KHDRBS2: variants seen among roughly 807,000 people sequenced by gnomAD.
KHDRBS2 encodes KH domain-containing, RNA-binding, signal transduction-associated protein 2.
A neutral mutation model predicts 44.3 loss-of-function variants in KHDRBS2; 26 were observed. The observed-to-expected ratio is 0.59, with a 90% CI of 0.43 to 0.81. The LOEUF (loss-of-function observed/expected upper bound fraction) is 0.81, where lower values mean the gene tolerates loss of function less well. Among genes scored for constraint, KHDRBS2 ranks in the 40% least tolerant of loss-of-function variants. KHDRBS2 has a pLI of 0.00. For synonymous variants in KHDRBS2, 194 were observed against 151.1 expected, an observed-to-expected ratio of 1.28 and a Z score of -2.08; for missense variants, 476 against 433.1, an observed-to-expected ratio of 1.10 and a Z score of -0.88.
chr6:61,568,655 T>A, the KHDRBS2 span, among the ~76,000 whole-genome samples: 19 of 152,202 alleles, frequency 1.2e-4, no homozygotes, highest in Admixed American at 1.0e-3. Context: ...AAAATCCACA[T>A]CACAGGAGAA....
Position 62,202,693 on chromosome 6 carries a change from A to G in KHDRBS2, c.92-25381T>C, listed in dbSNP as rs552492583. 2.0e-5 allele frequency among the ~76,000 whole-genome samples: 3 copies of G among 152,238 alleles called. No homozygotes were observed. The South Asian group carries it at 6.2e-4, about 32-fold the overall frequency. ...TGGTAAGACAAATATAAATCTATTA[A>G]TACATAACTCAATACAAAGTCATGA... is the stretch of plus-strand genomic sequence containing the variant. On this transcript the variant is annotated intron_variant, in intron 1 of 8. Transcript: ENST00000281156.
intron 3 of KHDRBS2, among the ~76,000 whole-genome samples, chr6:62,041,965 G>C (rs1016874208): frequency 2.0e-5 from 3 of 151,916 alleles, no homozygotes; most frequent in African/African-American, 7.2e-5. Flanking sequence ...GCTAATTTGA[G>C]AAATTGTCTC....
intron 7 of KHDRBS2, among the ~76,000 whole-genome samples, chr6:61,721,261 G>A (rs913515648): frequency 6.6e-6 from 1 of 152,046 alleles, no homozygotes; most frequent in Non-Finnish European, 1.5e-5. Context: ...GGGCGACGCG[G>A]GCTCTTTTTT....
chr6:61,620,522 T>C, the KHDRBS2 span, among the ~76,000 whole-genome samples: 1 of 152,296 alleles, frequency 6.6e-6, no homozygotes, highest in East Asian at 1.9e-4. Context: ...TATTGTTCTG[T>C]GAAGTTACTC....
chr6:61,712,619 T>C lies in KHDRBS2; in HGVS notation c.894-15366A>G, dbSNP rs532473304. 5.3e-5 allele frequency among the ~76,000 whole-genome samples: 8 copies of C among 152,006 alleles called. No individual in the cohort carries two copies. The South Asian group carries it at 1.7e-3, about 32-fold the overall frequency. On this transcript the variant is annotated intron_variant, in intron 7 of 8. Transcript: ENST00000281156. Reference sequence around the variant, plus strand: ...TTTGGACCTTTTACTTATTAAGCTATAAAGTCCTGAACATGGCAAACATTT... The same window carrying C: ...TTTGGACCTTTTACTTATTAAGCTACAAAGTCCTGAACATGGCAAACATTT...
intron 3 of KHDRBS2, among the ~76,000 whole-genome samples, chr6:62,029,414 T>A (rs1584253505): frequency 2.0e-5 from 3 of 151,914 alleles, no homozygotes. Flanking sequence ...CTTATGAAAC[T>A]GTTTCATAAA....
chr6:61,687,182 C>T (rs1327230374), intron 8 of KHDRBS2, among the ~76,000 whole-genome samples: 1 of 151,686 alleles, frequency 6.6e-6, no homozygotes, highest in East Asian at 1.9e-4. Flanking sequence ...CACAGATGAA[C>T]ATGGTGCATT....
intron 2 of KHDRBS2, among the ~76,000 whole-genome samples, chr6:62,147,819 ACCTGGCACGGTTG>A (rs1388986803): frequency 2.0e-5 from 3 of 152,074 alleles, no homozygotes; most frequent in Middle Eastern, 3.4e-3. Context: ...TCTTCTCTAT[ACCTGGCACGGTTG>A]CCTGAGAAGA....
In KHDRBS2 at chr6:61,743,571, G is replaced by A. The variant is rs573385818; in HGVS notation, c.811-10807C>T. Among the ~76,000 whole-genome samples the A allele has an allele frequency of 1.1e-4, 16 of 151,650 alleles. 1 individual carries two copies. The East Asian group carries it at 2.9e-3, about 28-fold the overall frequency. ...TACTGAAGAAAAATGAAAAAAATTGGGGTTAATAATTTTGTATTATATTTG... is the reference window on the plus strand; with the variant it reads ...TACTGAAGAAAAATGAAAAAAATTGAGGTTAATAATTTTGTATTATATTTG... On this transcript the variant is annotated intron_variant, in intron 6 of 8. Transcript: ENST00000281156.
intron 6 of KHDRBS2, among the ~76,000 whole-genome samples, chr6:61,853,603 T>C (rs779687868): frequency 6.6e-6 from 1 of 152,208 alleles, no homozygotes. Context: ...CCATTTGACA[T>C]GTCATCTGAA....
chr6:61,546,081 C>A, the KHDRBS2 span, among the ~76,000 whole-genome samples: 1 of 151,974 alleles, frequency 6.6e-6, no homozygotes, highest in East Asian at 1.9e-4. Flanking sequence ...TTTTGACAAA[C>A]ACGTAAAGAT....
At chr6:62,136,014 G>A (rs1313943097) in intron 2 of KHDRBS2, among the ~76,000 whole-genome samples, 1 of 151,140 alleles carries the variant, frequency 6.6e-6, no homozygotes, top group Non-Finnish European at 1.5e-5. Flanking sequence ...ATTTTATTAT[G>A]CACTGGAAAT....
intron 6 of KHDRBS2, among the ~76,000 whole-genome samples, chr6:61,755,272 T>A (rs1778316641): frequency 6.6e-6 from 1 of 152,152 alleles, no homozygotes; most frequent in Non-Finnish European, 1.5e-5. Context: ...ATGACTGAAT[T>A]GATCTGTTTT....
At chr6:62,089,237 T>G (rs573866849) in intron 2 of KHDRBS2, among the ~76,000 whole-genome samples, 104 of 147,134 alleles carry the variant, frequency 7.1e-4, no homozygotes, top group African/African-American at 2.5e-3. Context: ...AACAGTTCTG[T>G]CTGGCTGGCA....
intron 3 of KHDRBS2, among the ~76,000 whole-genome samples, chr6:61,985,629 A>G (rs1439336587): frequency 1.3e-5 from 2 of 152,184 alleles, no homozygotes; most frequent in East Asian, 3.8e-4. Context: ...ATTCAATGAC[A>G]TCAGCTCAAG....
chr6:62,110,093 G>T (rs555154266), intron 2 of KHDRBS2, among the ~76,000 whole-genome samples: 11 of 151,652 alleles, frequency 7.3e-5, no homozygotes, highest in Non-Finnish European at 1.3e-4. Context: ...GGCCCAGGAA[G>T]GAAGAAAATA....
At chr6:61,755,405 C>A (rs931897591) in intron 6 of KHDRBS2, among the ~76,000 whole-genome samples, 4 of 152,036 alleles carry the variant, frequency 2.6e-5, no homozygotes, top group Admixed American at 6.6e-5. Context: ...CCTAATGAGG[C>A]TAAAAGTTCA....
intron 2 of KHDRBS2, among the ~76,000 whole-genome samples, chr6:62,126,807 C>G (rs1453880165): frequency 6.6e-6 from 1 of 152,168 alleles, no homozygotes; most frequent in African/African-American, 2.4e-5. Flanking sequence ...CTTGAGACTA[C>G]TGATGTAATA....
intron 8 of KHDRBS2, among the ~76,000 whole-genome samples, chr6:61,690,914 A>T (rs1241818612): frequency 6.6e-6 from 1 of 152,086 alleles, no homozygotes; most frequent in Non-Finnish European, 1.5e-5. Flanking sequence ...ATTACCAATT[A>T]AGATCATAGG....
Sources: gnomAD v4.1 joint callset for allele counts (sites outside exome capture counted in the v4.1 genomes callset) on GRCh38, gnomAD v4.1.1 for gene constraint, MANE v1.5 for transcripts, NCBI Gene and HGNC (gene_info 2026-07-23, HGNC 2026-07-21) for gene names.